SIAH3: variants seen among roughly 807,000 people sequenced by gnomAD.
SIAH3 encodes seven in absentia homolog 3.
In SIAH3, 9 loss-of-function variants were observed where a neutral mutation model predicts 12.6. The ratio of observed to expected loss-of-function variants is 0.72; its 90% CI spans 0.43 to 1.25. The LOEUF (loss-of-function observed/expected upper bound fraction) is 1.25, where lower values mean the gene tolerates loss of function less well. Among genes scored for constraint, SIAH3 ranks in the 50% most tolerant of loss-of-function variants. The pLI is 0.00. For missense variants in SIAH3, 390 were observed against 365.4 expected, an observed-to-expected ratio of 1.07 and a Z score of -0.55; for synonymous variants, 154 against 151.1, an observed-to-expected ratio of 1.02 and a Z score of -0.14.
At chr13:45,811,304 T>C (rs1950615586) in intron 1 of SIAH3, among the ~76,000 whole-genome samples, 2 of 152,342 alleles carry the variant, frequency 1.3e-5, no homozygotes, top group South Asian at 4.1e-4. Flanking sequence ...TGGTGATATT[T>C]GTACTCTGGC....
rs960561846 is a variant in SIAH3, at chr13:45,781,639, G to A, written c.*1744C>T. On this transcript the variant is annotated 3_prime_UTR_variant, in exon 2 of 2. Transcript: ENST00000400405. Reference sequence around the variant, plus strand: ...GCAGTCTCAGCCCCAGGGGCCCAGCGATTACTGTGTGACCAGAGCAGCCTC... The same window carrying A: ...GCAGTCTCAGCCCCAGGGGCCCAGCAATTACTGTGTGACCAGAGCAGCCTC... The A allele has an allele frequency of 3.9e-5, 6 of 152,232 alleles. No homozygotes were observed. Among genetic ancestry groups the A allele is most frequent in the Admixed American group, 3.3e-4 (5 of 15,292 alleles). The allele number at this position is 152,232 out of a possible 1,614,324, so 9.4% of individuals were successfully genotyped here.
At chr13:45,803,178 T>G (rs1950588139) in intron 1 of SIAH3, among the ~76,000 whole-genome samples, 1 of 152,156 alleles carries the variant, frequency 6.6e-6, no homozygotes, top group African/African-American at 2.4e-5. Context: ...TTTCTATAGC[T>G]CTGTCTTAGG....
intron 1 of SIAH3, among the ~76,000 whole-genome samples, chr13:45,819,313 A>T (rs965289575): frequency 6.6e-5 from 10 of 152,178 alleles, no homozygotes; most frequent in African/African-American, 9.7e-5. Context: ...TTTACTTCTA[A>T]CAGATACAGG....
intron 1 of SIAH3, among the ~76,000 whole-genome samples, chr13:45,841,455 A>G (rs769801035): frequency 6.6e-6 from 1 of 152,142 alleles, no homozygotes; most frequent in Non-Finnish European, 1.5e-5. Context: ...TTCTCAGGCT[A>G]CTTGCTCCAT....
intron 1 of SIAH3, among the ~76,000 whole-genome samples, chr13:45,818,465 T>G (rs1950643086): frequency 6.6e-6 from 1 of 152,236 alleles, no homozygotes; most frequent in African/African-American, 2.4e-5. Context: ...ATTTATGCTC[T>G]CAGAGTTTTG....
chr13:45,838,691 G>C (rs1368661769), intron 1 of SIAH3, among the ~76,000 whole-genome samples: 2 of 152,048 alleles, frequency 1.3e-5, no homozygotes, highest in Non-Finnish European at 2.9e-5. Context: ...TCTCCGGCGA[G>C]GCTTCTGCAC....
rs1566085776 is a variant in SIAH3, at chr13:45,783,980, G to C, written c.213C>G (p.His71Gln). 1.9e-6 allele frequency: 3 copies of C among 1,606,580 alleles called. No homozygotes were observed. The Admixed American group carries it at 5.0e-5, about 27-fold the overall frequency. The change falls in exon 2 of 2, where the codon CAC (histidine) becomes CAG (glutamine). Residue 71 changes from histidine (H) to glutamine (Q), a missense_variant. By Grantham distance (24) the His-to-Gln change is conservative. Coordinates refer to ENST00000400405, the MANE Select transcript of SIAH3 (RefSeq NM_198849.3). Reference sequence around the variant, plus strand: ...GGTGGTGGTGGCGGTGGTGGCAGTGGTGGTGGGAGAGATGGTGAGGGTGGA... The same window carrying C: ...GGTGGTGGTGGCGGTGGTGGCAGTGCTGGTGGGAGAGATGGTGAGGGTGGA... ...GSFHPHHLSHHHCHHRHHHHL... is the reference protein window; with the variant it reads ...GSFHPHHLSHQHCHHRHHHHL...
At chr13:45,840,084 C>T (rs1950734784) in intron 1 of SIAH3, among the ~76,000 whole-genome samples, 2 of 152,112 alleles carry the variant, frequency 1.3e-5, no homozygotes, top group South Asian at 4.1e-4. Flanking sequence ...ATGGTGAAAC[C>T]CCATCTCTGC....
chr13:45,843,289 C>T (rs1384404412), intron 1 of SIAH3, among the ~76,000 whole-genome samples: 1 of 152,076 alleles, frequency 6.6e-6, no homozygotes, highest in Non-Finnish European at 1.5e-5. Context: ...TACAACCTCA[C>T]AGGGACATGC....
At chr13:45,838,041 ACT>A (rs1950725116) in intron 1 of SIAH3, among the ~76,000 whole-genome samples, 1 of 152,194 alleles carries the variant, frequency 6.6e-6, no homozygotes, top group South Asian at 2.1e-4. Flanking sequence ...ATTGCCTCAA[ACT>A]TTTTTGAAAA....
intron 1 of SIAH3, among the ~76,000 whole-genome samples, chr13:45,784,907 C>T (rs887564325): frequency 1.3e-5 from 2 of 152,222 alleles, no homozygotes; most frequent in Non-Finnish European, 2.9e-5. Context: ...TGCAGGGATA[C>T]AGCTGTGAGC....
intron 1 of SIAH3, among the ~76,000 whole-genome samples, chr13:45,845,669 T>C (rs1294055619): frequency 6.6e-6 from 1 of 152,174 alleles, no homozygotes; most frequent in African/African-American, 2.4e-5. Flanking sequence ...CTCTGTTGTG[T>C]TTTGTATGTT....
Position 45,783,625 on chromosome 13 carries a change from T to C in SIAH3, c.568A>G (p.Ile190Val). 1.9e-6 allele frequency: 3 copies of C among 1,614,100 alleles called. No homozygotes were observed. The highest frequency in any genetic ancestry group is 2.2e-5 in the South Asian group (2 of 91,070). ...HPQFFATMML[I>V]GTPTQADCFT... is the part of the protein sequence containing the mutation. Reference sequence around the variant, plus strand: ...CAGTCGGCCTGGGTGGGGGTCCCAATCAGCATCATGGTGGCAAAGAACTGG... The same window carrying C: ...CAGTCGGCCTGGGTGGGGGTCCCAACCAGCATCATGGTGGCAAAGAACTGG... The change falls in exon 2 of 2, where the codon ATT becomes GTT. Residue 190 changes from isoleucine (I) to valine (V), a missense_variant. Ile to Val is a conservative substitution (Grantham distance 29, BLOSUM62 3). Transcript: ENST00000400405.
chr13:45,839,267 C>A (rs180789029), intron 1 of SIAH3, among the ~76,000 whole-genome samples: 1 of 151,878 alleles, frequency 6.6e-6, no homozygotes, highest in Admixed American at 6.6e-5. Flanking sequence ...GAAAAAGCAG[C>A]CTGTTTCATA....
chr13:45,811,221 G>GTGATGGTAA (rs1289430613), intron 1 of SIAH3, among the ~76,000 whole-genome samples: 1 of 152,206 alleles, frequency 6.6e-6, no homozygotes, highest in Non-Finnish European at 1.5e-5. Flanking sequence ...GCTGGTGGTG[G>GTGATGGTAA]TGATGGTAAT....
chr13:45,822,520 AATATATATATAT>A (rs36106322), intron 1 of SIAH3, among the ~76,000 whole-genome samples: 13,296 of 85,454 alleles, frequency 0.16, 1,119 homozygotes, highest in Middle Eastern at 0.33. Context: ...TTCATTATCA[AATATATATATAT>A]ATATATATAT....
At chr13:45,812,365 C>T (rs1448613951) in intron 1 of SIAH3, among the ~76,000 whole-genome samples, 1 of 152,174 alleles carries the variant, frequency 6.6e-6, no homozygotes, top group Non-Finnish European at 1.5e-5. Context: ...GGCCCAAGGT[C>T]CCAGGCTAGG....
rs1950498829 is a variant in SIAH3 at position 45,780,243 on chromosome 13, GCC to G, written c.*3138_*3139del. The G allele has an allele frequency of 6.7e-6, 1 of 149,336 alleles. No homozygotes were observed. Among genetic ancestry groups the G allele is most frequent in the South Asian group, 2.2e-4 (1 of 4,632 alleles). The allele number at this position is 149,336 out of a possible 1,614,324, so 9.3% of individuals were successfully genotyped here. A position where few individuals can be genotyped will look rare whatever the true frequency, so the allele number is the denominator to read the frequency against. Reference sequence around the variant, plus strand: ...CATCTGCAGCCCACCCACTTCCTGGGCCCCCTGCTTCCAGGTGGACTAGTGCT... The same window carrying G: ...CATCTGCAGCCCACCCACTTCCTGGGCCCTGCTTCCAGGTGGACTAGTGCT... On this transcript the variant is annotated 3_prime_UTR_variant, in exon 2 of 2. Coordinates refer to ENST00000400405, the MANE Select transcript of SIAH3 (RefSeq NM_198849.3).
chr13:45,810,004 G>A (rs1361615048), intron 1 of SIAH3, among the ~76,000 whole-genome samples: 1 of 152,136 alleles, frequency 6.6e-6, no homozygotes, highest in East Asian at 1.9e-4. Context: ...GTTGCCATGG[G>A]CTCCCTGGTC....
Sources: gnomAD v4.1 joint callset for allele counts (sites outside exome capture counted in the v4.1 genomes callset) on GRCh38, gnomAD v4.1.1 for gene constraint, MANE v1.5 for transcripts, NCBI Gene and HGNC (gene_info 2026-07-23, HGNC 2026-07-21) for gene names.